AMPH: variants seen among roughly 807,000 people sequenced by gnomAD.
AMPH encodes amphiphysin, also known as amphiphysin (Stiff-Mann syndrome with breast cancer 128kD autoantigen).
Under a neutral mutation model 99.1 loss-of-function variants are expected in AMPH, and 49 were observed. That is an observed-to-expected ratio of 0.49 (90% CI 0.39 to 0.63). AMPH has a LOEUF of 0.63. Among genes scored for constraint, AMPH ranks in the 20% least tolerant of loss-of-function variants. The pLI, the probability that AMPH is intolerant of heterozygous loss-of-function variation, is 0.00. For synonymous variants in AMPH, 314 were observed against 317.3 expected, an observed-to-expected ratio of 0.99 and a Z score of 0.11; for missense variants, 759 against 863.4, an observed-to-expected ratio of 0.88 and a Z score of 1.52.
chr7:38,577,513 AC>A (rs1445435484), intron 1 of AMPH, among the ~76,000 whole-genome samples: 1 of 152,192 alleles, frequency 6.6e-6, no homozygotes. Flanking sequence ...CTGGATACTG[AC>A]CAAGTTTCCT....
rs529690092 is a variant in AMPH at position 38,583,557 on chromosome 7, A to C, written c.69+47726T>G. Among the ~76,000 whole-genome samples, 5 of 152,348 alleles carry C rather than the reference A, an allele frequency of 3.3e-5. No homozygotes were observed. In the East Asian group the frequency reaches 9.6e-4, roughly 29 times the overall value. Reference sequence around the variant, plus strand: ...AGACATTCATAGTGAAGCCTTCTGCATTCATTTTGAGGATGAACCCCTCTG... The same window carrying C: ...AGACATTCATAGTGAAGCCTTCTGCCTTCATTTTGAGGATGAACCCCTCTG... On this transcript the variant is annotated intron_variant, in intron 1 of 20. Coordinates refer to ENST00000356264, the MANE Select transcript of AMPH (RefSeq NM_001635.4).
chr7:38,552,591 G>A (rs1053214362), intron 1 of AMPH, among the ~76,000 whole-genome samples: 2 of 152,058 alleles, frequency 1.3e-5, no homozygotes, highest in Non-Finnish European at 2.9e-5. Flanking sequence ...CTCCAATCAG[G>A]GTCCTGAAGA....
At chr7:38,545,390 A>C (rs973643341) in intron 1 of AMPH, among the ~76,000 whole-genome samples, 2 of 151,892 alleles carry the variant, frequency 1.3e-5, no homozygotes, top group African/African-American at 4.8e-5. Context: ...TATTTTCAAG[A>C]CTTAAAGCTA....
intron 1 of AMPH, among the ~76,000 whole-genome samples, chr7:38,576,416 G>A (rs993132303): frequency 1.3e-5 from 2 of 151,900 alleles, no homozygotes; most frequent in Non-Finnish European, 2.9e-5. Context: ...CTAAACTATG[G>A]CAATTTTCAT....
intron 2 of AMPH, among the ~76,000 whole-genome samples, chr7:38,533,691 T>A (rs935421908): frequency 1.3e-5 from 2 of 152,156 alleles, no homozygotes; most frequent in Non-Finnish European, 2.9e-5. Flanking sequence ...ATTCCCTCTG[T>A]GGACACTGGT....
At chr7:38,570,704 T>TAA (rs34570683) in intron 1 of AMPH, among the ~76,000 whole-genome samples, 89 of 148,082 alleles carry the variant, frequency 6.0e-4, no homozygotes, top group African/African-American at 2.0e-3. Flanking sequence ...TCCCATCGAT[T>TAA]AAAAAAAAAT....
intron 17 of AMPH, among the ~76,000 whole-genome samples, chr7:38,398,194 A>G (rs541875464): frequency 5.0e-4 from 67 of 135,032 alleles, no homozygotes; most frequent in African/African-American, 1.6e-3. Flanking sequence ...AAAAAAAAAA[A>G]ACAAAAAAAA....
rs182718714 is a variant in AMPH, at chr7:38,448,499, T to C, written c.1018-12111A>G. Among the ~76,000 whole-genome samples the C allele has an allele frequency of 1.4e-4, 21 of 152,290 alleles. No homozygotes were observed. The East Asian group carries it at 3.9e-3, about 28-fold the overall frequency. ...GTTATCAATTAGGCATAGTAAGAGA[T>C]TGATGACAACAGCTAACAGTAAAAT... On this transcript the variant is annotated intron_variant, in intron 11 of 20. Coordinates refer to ENST00000356264, the MANE Select transcript of AMPH (RefSeq NM_001635.4).
At chr7:38,620,375 T>G (rs1232538753) in intron 1 of AMPH, among the ~76,000 whole-genome samples, 1 of 149,138 alleles carries the variant, frequency 6.7e-6, no homozygotes, top group East Asian at 2.1e-4. Flanking sequence ...TGTGTGTGTG[T>G]GTTAAAGAAG....
intron 1 of AMPH, among the ~76,000 whole-genome samples, chr7:38,593,151 C>T (rs762301677): frequency 1.3e-4 from 20 of 152,292 alleles, no homozygotes; most frequent in South Asian, 2.1e-4. Context: ...ATGTTGGCTA[C>T]ATGATACAAA....
At chr7:38,509,412 T>C (rs1439250582) in intron 2 of AMPH, among the ~76,000 whole-genome samples, 1 of 152,230 alleles carries the variant, frequency 6.6e-6, no homozygotes, top group African/African-American at 2.4e-5. Flanking sequence ...ACATACTTTC[T>C]AGCTTCAACA....
chr7:38,571,364 ATATATATATTTT>A, intron 1 of AMPH, among the ~76,000 whole-genome samples: 1 of 108,690 alleles, frequency 9.2e-6, no homozygotes, highest in Admixed American at 1.3e-4. Context: ...TACATATAGA[ATATATATATTTT>A]TATATATTTA....
rs951483853 is a variant in AMPH at position 38,627,288 on chromosome 7, A to G, written c.69+3995T>C. Among the ~76,000 whole-genome samples, 10 of 151,194 alleles carry G rather than the reference A, an allele frequency of 6.6e-5. No homozygotes were observed. In the Admixed American group the frequency reaches 6.6e-4, roughly 10 times the overall value. On this transcript the variant is annotated intron_variant, in intron 1 of 20. Coordinates refer to ENST00000356264, the MANE Select transcript of AMPH (RefSeq NM_001635.4). Reference sequence around the variant, plus strand: ...GCCGGGCGCGGTGGCTCGCACCTATAATCCCAGCACTTTGGGAGGCTGAGG... The same window carrying G: ...GCCGGGCGCGGTGGCTCGCACCTATGATCCCAGCACTTTGGGAGGCTGAGG...
intron 2 of AMPH, among the ~76,000 whole-genome samples, chr7:38,508,501 T>A (rs918511229): frequency 6.6e-6 from 1 of 152,094 alleles, no homozygotes; most frequent in African/African-American, 2.4e-5. Context: ...ATGGAAAAAT[T>A]TTTCATTAAG....
chr7:38,571,230 TTA>T (rs1437754918), intron 1 of AMPH, among the ~76,000 whole-genome samples: 22 of 94,550 alleles, frequency 2.3e-4, no homozygotes, highest in East Asian at 5.8e-4. Context: ...TATATATTAA[TTA>T]TATATATAAT....
chr7:38,512,723 A>G (rs1030261659), intron 2 of AMPH, among the ~76,000 whole-genome samples: 6 of 152,208 alleles, frequency 3.9e-5, no homozygotes, highest in Admixed American at 2.6e-4. Flanking sequence ...GACATCTGCA[A>G]TTTGACTGGG....
chr7:38,594,555 C>T (rs1041809413), intron 1 of AMPH, among the ~76,000 whole-genome samples: 1 of 152,094 alleles, frequency 6.6e-6, no homozygotes, highest in Non-Finnish European at 1.5e-5. Flanking sequence ...AGGTGATCTG[C>T]CAAGGCTTCA....
At chr7:38,390,011 A>G in intron 19 of AMPH, 106 bp from the exon 20 acceptor site, 10 of 900,662 alleles carry the variant, frequency 1.1e-5, no homozygotes, top group Non-Finnish European at 1.6e-5. Context: ...GATATTTGCC[A>G]TATCCCAAGG....
At chr7:38,560,405 C>A (rs1006173728) in intron 1 of AMPH, among the ~76,000 whole-genome samples, 1 of 152,066 alleles carries the variant, frequency 6.6e-6, no homozygotes, top group African/African-American at 2.4e-5. Flanking sequence ...CTGAGACAGC[C>A]CAGACCAGGA....
Sources: gnomAD v4.1 joint callset for allele counts (sites outside exome capture counted in the v4.1 genomes callset) on GRCh38, gnomAD v4.1.1 for gene constraint, MANE v1.5 for transcripts, NCBI Gene and HGNC (gene_info 2026-07-23, HGNC 2026-07-21) for gene names.